The following PKP4 variants were observed in gnomAD, a reference collection of about 807,000 sequenced individuals.
PKP4 encodes the protein plakophilin 4, also known as plakophilin-4.
A neutral mutation model predicts 145.1 loss-of-function variants in PKP4; 90 were observed. The observed-to-expected ratio is 0.62, with a 90% CI of 0.52 to 0.74. PKP4 has a LOEUF of 0.74. PKP4 is among the 30% of genes least tolerant of loss of function. The pLI is 0.00. For missense variants in PKP4, 1,340 were observed against 1,482.7 expected, an observed-to-expected ratio of 0.90 and a Z score of 1.58; for synonymous variants, 563 against 577.2, an observed-to-expected ratio of 0.98 and a Z score of 0.35.
chr2:158,473,382 A>G (rs533142425), intron 1 of PKP4, among the ~76,000 whole-genome samples: 130 of 152,344 alleles, frequency 8.5e-4, no homozygotes, highest in African/African-American at 3.0e-3. Flanking sequence ...AGCACTATTC[A>G]TAGTAACAAA....
chr2:158,631,622 C>T (rs2053368203), intron 7 of PKP4, 131 bp from the exon 8 acceptor site: 3 of 777,436 alleles, frequency 3.9e-6, no homozygotes, highest in African/African-American at 1.7e-5. Flanking sequence ...AATTCCTGGG[C>T]TCAAGCCATT....
At chr2:158,616,128 C>T (rs1180710942) in intron 4 of PKP4, among the ~76,000 whole-genome samples, 1 of 152,154 alleles carries the variant, frequency 6.6e-6, no homozygotes, top group African/African-American at 2.4e-5. Flanking sequence ...TGTATTTTCT[C>T]CTGTGGAGGA....
intron 1 of PKP4, among the ~76,000 whole-genome samples, chr2:158,475,192 G>A (rs569265779): frequency 6.6e-6 from 1 of 152,194 alleles, no homozygotes; most frequent in South Asian, 2.1e-4. Flanking sequence ...CTGTCTTAAG[G>A]AAGTTCACCT....
At chr2:158,651,244 C>T (rs1478489143) in intron 11 of PKP4, among the ~76,000 whole-genome samples, 2 of 152,118 alleles carry the variant, frequency 1.3e-5, no homozygotes, top group East Asian at 3.9e-4. Context: ...CCCCACCACC[C>T]CCTTGACTTC....
intron 19 of PKP4, 131 bp from the exon 20 acceptor site, chr2:158,676,608 A>C: frequency 9.1e-7 from 1 of 1,101,286 alleles, no homozygotes; most frequent in Non-Finnish European, 1.4e-6. Context: ...CACCTCTGAG[A>C]TATTTTCAGC....
intron 1 of PKP4, among the ~76,000 whole-genome samples, chr2:158,490,225 G>C (rs1193555154): frequency 6.6e-6 from 1 of 152,004 alleles, no homozygotes; most frequent in Non-Finnish European, 1.5e-5. Flanking sequence ...AACAGTTACT[G>C]TGCCAACAGA....
At chr2:158,468,735 A>G in intron 1 of PKP4, among the ~76,000 whole-genome samples, 1 of 151,672 alleles carries the variant, frequency 6.6e-6, no homozygotes, top group Non-Finnish European at 1.5e-5. Flanking sequence ...CATTCCTAGA[A>G]GAAAAGAAAT....
chr2:158,467,110 G>A (rs1042409052), intron 1 of PKP4, among the ~76,000 whole-genome samples: 5 of 152,144 alleles, frequency 3.3e-5, no homozygotes, highest in Non-Finnish European at 7.4e-5. Flanking sequence ...CCTTTGTTTG[G>A]TCTTAATATA....
intron 13 of PKP4, 108 bp downstream of exon 13, chr2:158,661,558 T>C: frequency 2.8e-6 from 2 of 723,918 alleles, no homozygotes; most frequent in East Asian, 2.7e-5. Context: ...CCTGTCCTCC[T>C]CAGGAGGCCA....
At chr2:158,479,326 C>T (rs1454242815) in intron 1 of PKP4, among the ~76,000 whole-genome samples, 1 of 152,054 alleles carries the variant, frequency 6.6e-6, no homozygotes, top group Non-Finnish European at 1.5e-5. Flanking sequence ...CGGGATTAAG[C>T]GATGCTTCCA....
chr2:158,491,654 T>C (rs747354435), intron 1 of PKP4, among the ~76,000 whole-genome samples: 10 of 152,122 alleles, frequency 6.6e-5, no homozygotes, highest in Non-Finnish European at 1.2e-4. Context: ...GTAAACTTTA[T>C]TGAACAGAAA....
chr2:158,647,655 A>G (rs146368501), intron 11 of PKP4, among the ~76,000 whole-genome samples: 4 of 152,356 alleles, frequency 2.6e-5, no homozygotes, highest in African/African-American at 7.2e-5. Flanking sequence ...AGTATGTAAC[A>G]TGATTCTTGT....
chr2:158,657,641 A>G (rs1382541568), intron 11 of PKP4, among the ~76,000 whole-genome samples: 1 of 152,262 alleles, frequency 6.6e-6, no homozygotes, highest in Non-Finnish European at 1.5e-5. Context: ...AAAGTAAGAA[A>G]AGGAAGCAGA....
chr2:158,484,024 TTC>T (rs1465022712), intron 1 of PKP4, among the ~76,000 whole-genome samples: 2 of 136,558 alleles, frequency 1.5e-5, no homozygotes, highest in Non-Finnish European at 3.0e-5. Context: ...TGCACATTTT[TTC>T]TTTTTCTTTT....
chr2:158,606,227 T>C (rs961782391), intron 4 of PKP4, among the ~76,000 whole-genome samples: 4 of 152,134 alleles, frequency 2.6e-5, no homozygotes, highest in South Asian at 2.1e-4. Context: ...TTCCACTAGT[T>C]AAAAATAACG....
chr2:158,492,666 A>G (rs990316206), intron 1 of PKP4, among the ~76,000 whole-genome samples: 1 of 152,142 alleles, frequency 6.6e-6, no homozygotes, highest in Non-Finnish European at 1.5e-5. Flanking sequence ...TGCCTGTTAC[A>G]ATAGTATTTT....
intron 19 of PKP4, among the ~76,000 whole-genome samples, chr2:158,676,119 C>T (rs1047175957): frequency 1.1e-4 from 16 of 152,262 alleles, no homozygotes; most frequent in African/African-American, 2.9e-4. Context: ...GGCTTAGCAC[C>T]ATGTGCGCTT....
intron 3 of PKP4, among the ~76,000 whole-genome samples, chr2:158,600,173 TCTGA>T (rs1269619457): frequency 2.0e-5 from 3 of 152,252 alleles, no homozygotes; most frequent in Non-Finnish European, 4.4e-5. Context: ...ATGTTCACCA[TCTGA>T]CTGGACAGCC....
chr2:158,614,291 AAAATT>A (rs563034259), intron 4 of PKP4, among the ~76,000 whole-genome samples: 61 of 152,226 alleles, frequency 4.0e-4, no homozygotes, highest in Non-Finnish European at 7.6e-4. Flanking sequence ...CAATTACAAA[AAAATT>A]AAATACAAAT....
Sources: allele counts gnomAD v4.1 joint callset (sites outside exome capture counted in the v4.1 genomes callset), GRCh38; gene constraint gnomAD v4.1.1; transcripts MANE v1.5; gene names NCBI Gene and HGNC (gene_info 2026-07-23, HGNC 2026-07-21).